The following MLEC variants were observed in gnomAD, a reference collection of about 807,000 sequenced individuals.
MLEC encodes the protein malectin, also known as oligosaccharyltransferase complex subunit (non-catalytic).
A neutral mutation model predicts 28.7 loss-of-function variants in MLEC; 7 were observed. The observed-to-expected ratio is 0.24, with a 90% CI of 0.14 to 0.46. The LOEUF (loss-of-function observed/expected upper bound fraction) is 0.46, where lower values mean the gene tolerates loss of function less well. Among genes scored for constraint, MLEC ranks in the 20% least tolerant of loss-of-function variants. The probability of loss-of-function intolerance (pLI) is 0.99; values close to 1 mark genes in which losing one functional copy is unlikely to be tolerated. For missense variants in MLEC, 237 were observed against 391.1 expected (o/e 0.61, Z 3.32); for synonymous variants, 142 against 164.4 (o/e 0.86, Z 1.04).
At chr12:120,689,669 A>G (rs894728317) in intron 1 of MLEC, among the ~76,000 whole-genome samples, 1 of 152,226 alleles carries the variant, frequency 6.6e-6, no homozygotes, top group African/African-American at 2.4e-5. Flanking sequence ...AGCTGTTCAC[A>G]CTGCCTTTCT....
rs950991475 is a variant in MLEC, at chr12:120,687,209, C to T, written c.-88C>T. ...CCCCGGCGGCTCAGGCGGAGCGGCC[C>T]GTGGCGCTGTTTTTCTGAGTCCGGG... On this transcript the variant is annotated 5_prime_UTR_variant, in exon 1 of 5. Transcript: ENST00000228506. This position sits in a 1 kb window ranked among gnomAD's most constrained non-coding sequence, Gnocchi z 8.1. The T allele has an allele frequency of 3.1e-6, 4 of 1,289,592 alleles. No homozygotes were observed. Among genetic ancestry groups the T allele is most frequent in the East Asian group, 3.2e-5 (1 of 31,290 alleles). The allele number at this position is 1,289,592 out of a possible 1,614,324, so 79.9% of individuals were successfully genotyped here.
rs1240179588 is a variant in MLEC, at chr12:120,698,522, G to A, written c.*1977G>A. On this transcript the variant is annotated 3_prime_UTR_variant, in exon 5 of 5. Coordinates refer to ENST00000228506, the MANE Select transcript of MLEC (RefSeq NM_014730.4). ...CCTTGGTCCTGGGGACCACCTGCCTGGGGCAGTGGACATCCTAACTAAACA... is the reference window on the plus strand; with the variant it reads ...CCTTGGTCCTGGGGACCACCTGCCTAGGGCAGTGGACATCCTAACTAAACA... 6.6e-6 allele frequency: 1 copy of A among 152,248 alleles called. No individual in the cohort carries two copies. The highest frequency in any genetic ancestry group is 1.9e-4 in the East Asian group (1 of 5,210). The allele number at this position is 152,248 out of a possible 1,614,324, so 9.4% of individuals were successfully genotyped here.
chr12:120,693,289 C>A (rs376528990), intron 1 of MLEC, among the ~76,000 whole-genome samples: 1 of 152,218 alleles, frequency 6.6e-6, no homozygotes, highest in South Asian at 2.1e-4. Flanking sequence ...TTTGCAGGCA[C>A]CTCCTTCATT....
chr12:120,689,961 C>CTGGGCA (rs1208409450), intron 1 of MLEC, among the ~76,000 whole-genome samples: 3 of 152,104 alleles, frequency 2.0e-5, no homozygotes, highest in Non-Finnish European at 4.4e-5. Flanking sequence ...CCCAGGGCAC[C>CTGGGCA]TAGTGGTTTA....
In MLEC at chr12:120,695,221, T is replaced by G. The variant is rs1592918442; in HGVS notation, c.649+69T>G. The stretch of plus-strand genomic sequence containing the variant: ...TATGGTTGAGGAAGCCCTTGGGAGG[T>G]AATTGAGCTGATGACTATTTTGGAA... On this transcript the variant is annotated intron_variant, in intron 4 of 4. Transcript: ENST00000228506. 2.6e-6 allele frequency: 4 copies of G among 1,546,604 alleles called. No individual in the cohort carries two copies. The South Asian group carries it at 4.5e-5, about 17-fold the overall frequency.
Position 120,687,166 on chromosome 12 carries a change from G to C in MLEC, c.-131G>C. ...CGGTACCCGTGGCTGAGAAGAAGGA[G>C]GCCTGAGAGCGACATGTCCCCGGCG... On this transcript the variant is annotated 5_prime_UTR_variant, in exon 1 of 5. Transcript: ENST00000228506. This position sits in a 1 kb window ranked among gnomAD's most constrained non-coding sequence, Gnocchi z 8.1. 9.8e-7 allele frequency: 1 copy of C among 1,023,782 alleles called. No homozygotes were observed. Among genetic ancestry groups the C allele is most frequent in the Admixed American group, 4.3e-5 (1 of 23,238 alleles). 63.4% of individuals were successfully genotyped at this position (1,023,782 alleles called of 1,614,324 possible). A position where few individuals can be genotyped will look rare whatever the true frequency, so the allele number is the denominator to read the frequency against.
rs1256548766 is a variant in MLEC, at chr12:120,698,479, A to G, written c.*1934A>G. On this transcript the variant is annotated 3_prime_UTR_variant, in exon 5 of 5. Transcript: ENST00000228506. The stretch of plus-strand genomic sequence containing the variant: ...GCTTCACACAGCTCCCCTGCTTCTA[A>G]AGGATAAGGTACTGTAGCCTTGGTC... The G allele has an allele frequency of 6.6e-6, 1 of 152,138 alleles. No individual in the cohort carries two copies. The highest frequency in any genetic ancestry group is 1.5e-5 in the Non-Finnish European group (1 of 68,054). 9.4% of individuals were successfully genotyped at this position (152,138 alleles called of 1,614,324 possible).
rs1881876813 is a variant in MLEC at position 120,687,624 on chromosome 12, T to C, written c.235+93T>C. On this transcript the variant is annotated intron_variant, in intron 1 of 4. Coordinates refer to ENST00000228506, the MANE Select transcript of MLEC (RefSeq NM_014730.4). The surrounding 1 kb of genome is among the most constrained non-coding windows in gnomAD (Gnocchi z 8.1). ...GCGGGCCCCGAGCCCCTTTCGACCC[T>C]GGGGCCGCGTCTCTGGAGCGAAGTT... 1.0e-6 allele frequency: 1 copy of C among 988,956 alleles called. No individual in the cohort carries two copies. Among genetic ancestry groups the C allele is most frequent in the Non-Finnish European group, 1.4e-6 (1 of 716,288 alleles). The allele number at this position is 988,956 out of a possible 1,614,324, so 61.3% of individuals were successfully genotyped here.
chr12:120,689,044 C>T (rs1233785527), intron 1 of MLEC, among the ~76,000 whole-genome samples: 1 of 152,152 alleles, frequency 6.6e-6, no homozygotes, highest in Non-Finnish European at 1.5e-5. Flanking sequence ...GGGTGCTGAG[C>T]GGATGGTTTC....
chr12:120,693,810 A>G (rs888125248), intron 1 of MLEC, among the ~76,000 whole-genome samples: 1 of 152,216 alleles, frequency 6.6e-6, no homozygotes, highest in Non-Finnish European at 1.5e-5. Flanking sequence ...TCAGGGGGAA[A>G]AAGTCATTTT....
intron 1 of MLEC, among the ~76,000 whole-genome samples, chr12:120,692,934 G>T (rs1592916931): frequency 6.6e-6 from 1 of 152,092 alleles, no homozygotes; most frequent in South Asian, 2.1e-4. Context: ...GCACAAAAAA[G>T]ATTCGGCCTG....
Position 120,698,328 on chromosome 12 carries a change from A to C in MLEC, c.*1783A>C, listed in dbSNP as rs1882315389. The C allele has an allele frequency of 6.6e-6, 1 of 152,180 alleles. No homozygotes were observed. Among genetic ancestry groups the C allele is most frequent in the Non-Finnish European group, 1.5e-5 (1 of 68,046 alleles). 9.4% of individuals were successfully genotyped at this position (152,180 alleles called of 1,614,324 possible). The stretch of plus-strand genomic sequence containing the variant: ...TCTTTAATGATTACTCCAGGCCAGC[A>C]TTTAGTCGTTTGAGAATTGTAGCCT... On this transcript the variant is annotated 3_prime_UTR_variant, in exon 5 of 5. Transcript: ENST00000228506.
chr12:120,689,060 C>T (rs1881938250), intron 1 of MLEC, among the ~76,000 whole-genome samples: 1 of 152,252 alleles, frequency 6.6e-6, no homozygotes, highest in African/African-American at 2.4e-5. Context: ...GTTTCTTTCA[C>T]TTAGCAGATA....
chr12:120,694,822 A>G lies in MLEC; in HGVS notation c.415-2A>G. ...CATTGTTTTCTTTTCTTATCCTGGAAGGTATTTGATGTACGATTGAATGGC... is the reference window on the plus strand; with the variant it reads ...CATTGTTTTCTTTTCTTATCCTGGAGGGTATTTGATGTACGATTGAATGGC... On this transcript the variant is annotated splice_acceptor_variant, in intron 2 of 4. Transcript: ENST00000228506. LOFTEE classifies it high-confidence loss of function. This position sits in a 1 kb window ranked among gnomAD's most constrained non-coding sequence, Gnocchi z 4.5. 2.5e-6 allele frequency: 4 copies of G among 1,604,446 alleles called. No homozygotes were observed. Among genetic ancestry groups the G allele is most frequent in the Non-Finnish European group, 3.4e-6 (4 of 1,173,732 alleles).
rs903734519 is a variant in MLEC at position 120,687,454 on chromosome 12, A to G, written c.158A>G (p.Asn53Ser). 3.5e-6 allele frequency: 5 copies of G among 1,414,336 alleles called. No individual in the cohort carries two copies. The highest frequency in any genetic ancestry group is 3.7e-6 in the Non-Finnish European group (4 of 1,081,948). 87.6% of individuals were successfully genotyped at this position (1,414,336 alleles called of 1,614,324 possible). ...GLPESVIWAV[N>S]AGGEAHVDVH... ...CCCGAGAGCGTCATTTGGGCGGTCA[A>G]CGCGGGTGGAGAGGCGCATGTGGAC... Residue 53 changes from asparagine to serine, a missense_variant, in exon 1 of 5, where the codon AAC (asparagine) becomes AGC (serine). Coordinates refer to ENST00000228506, the MANE Select transcript of MLEC (RefSeq NM_014730.4). This position sits in a 1 kb window ranked among gnomAD's most constrained non-coding sequence, Gnocchi z 8.1.
Position 120,696,711 on chromosome 12 carries a change from C to T in MLEC, c.*166C>T. On this transcript the variant is annotated 3_prime_UTR_variant, in exon 5 of 5. Coordinates refer to ENST00000228506, the MANE Select transcript of MLEC (RefSeq NM_014730.4). This position sits in a 1 kb window ranked among gnomAD's most constrained non-coding sequence, Gnocchi z 5.4. ...GAGGCAGAGCGAGTAGAGAGCAGCCCTCATTCACCACCTGGTCCCAGACGT... is the reference window on the plus strand; with the variant it reads ...GAGGCAGAGCGAGTAGAGAGCAGCCTTCATTCACCACCTGGTCCCAGACGT... 1.0e-6 allele frequency: 1 copy of T among 988,200 alleles called. No individual in the cohort carries two copies. The highest frequency in any genetic ancestry group is 1.7e-5 in the South Asian group (1 of 59,226). 61.2% of individuals were successfully genotyped at this position (988,200 alleles called of 1,614,324 possible). A position where few individuals can be genotyped will look rare whatever the true frequency, so the allele number is the denominator to read the frequency against.
At chr12:120,692,273 C>T (rs1308717439) in intron 1 of MLEC, among the ~76,000 whole-genome samples, 1 of 152,216 alleles carries the variant, frequency 6.6e-6, no homozygotes, top group Non-Finnish European at 1.5e-5. Flanking sequence ...TCACAGTCCT[C>T]ATGGAAGAAG....
At position 120,694,179 on chromosome 12, in the gene MLEC, C is replaced by T; in HGVS notation, c.324C>T (p.Thr108=). The change falls in exon 2 of 5, where the codon ACC becomes ACT. Residue 108 remains threonine (T), a synonymous_variant. Transcript: ENST00000228506. The surrounding 1 kb of genome is among the most constrained non-coding windows in gnomAD (Gnocchi z 4.5). ...LYQTERYNEE[T]FGYEVPIKEE... ...AAACTGAGCGGTACAATGAGGAGAC[C>T]TTTGGCTACGAAGTGCCCATCAAAG... is the stretch of plus-strand genomic sequence containing the variant. 1.9e-6 allele frequency: 3 copies of T among 1,614,166 alleles called. No individual in the cohort carries two copies. The highest frequency in any genetic ancestry group is 2.5e-6 in the Non-Finnish European group (3 of 1,180,036).
chr12:120,687,243 G>C lies in MLEC; in HGVS notation c.-54G>C. The C allele has an allele frequency of 7.4e-7, 1 of 1,349,304 alleles. No individual in the cohort carries two copies. Among genetic ancestry groups the C allele is most frequent in the Non-Finnish European group, 9.5e-7 (1 of 1,057,032 alleles). The allele number at this position is 1,349,304 out of a possible 1,614,324, so 83.6% of individuals were successfully genotyped here. ...GTTTTTCTGAGTCCGGGGTGGCCTGGCAGCCGGCCGAGGACGAGGGTCGGC... is the reference window on the plus strand; with the variant it reads ...GTTTTTCTGAGTCCGGGGTGGCCTGCCAGCCGGCCGAGGACGAGGGTCGGC... On this transcript the variant is annotated 5_prime_UTR_variant, in exon 1 of 5. Coordinates refer to ENST00000228506, the MANE Select transcript of MLEC (RefSeq NM_014730.4). The surrounding 1 kb of genome is among the most constrained non-coding windows in gnomAD (Gnocchi z 8.1).
Sources: gnomAD v4.1 joint callset for allele counts (sites outside exome capture counted in the v4.1 genomes callset) on GRCh38, gnomAD v4.1.1 for gene constraint, Gnocchi (gnomAD v3.1) non-coding constraint, MANE v1.5 for transcripts, NCBI Gene and HGNC (gene_info 2026-07-23, HGNC 2026-07-21) for gene names.